The following OR5K1 variants were observed in gnomAD, a reference collection of about 807,000 sequenced individuals.
OR5K1 encodes the protein olfactory receptor family 5 subfamily K member 1.
OR5K1 carries 7 observed loss-of-function variants against 10.4 expected under a neutral mutation model. The observed-to-expected ratio is 0.67, with a 90% CI of 0.38 to 1.26. The LOEUF (loss-of-function observed/expected upper bound fraction) is 1.26. Among genes scored for constraint, OR5K1 ranks in the 50% most tolerant of loss-of-function variants. The pLI, the probability that OR5K1 is intolerant of heterozygous loss-of-function variation, is 0.02. For missense variants in OR5K1, 435 were observed against 366.2 expected (o/e 1.19, Z -1.53); for synonymous variants, 135 against 128.5 (o/e 1.05, Z -0.34).
At chr3:98,464,881 G>A (rs1705352637) in intron 1 of OR5K1, among the ~76,000 whole-genome samples, 1 of 152,076 alleles carries the variant, frequency 6.6e-6, no homozygotes, top group African/African-American at 2.4e-5. Context: ...AGTGGAGTAG[G>A]CATTTGCTCA....
At chr3:98,465,889 C>CTT (rs57195352) in intron 1 of OR5K1, among the ~76,000 whole-genome samples, 17 of 150,028 alleles carry the variant, frequency 1.1e-4, no homozygotes, top group African/African-American at 2.2e-4. Context: ...ATAAATTTGT[C>CTT]TTTTTTTTTT....
intron 1 of OR5K1, among the ~76,000 whole-genome samples, chr3:98,465,599 C>A (rs1705361909): frequency 6.6e-6 from 1 of 152,018 alleles, no homozygotes; most frequent in Admixed American, 6.6e-5. Flanking sequence ...ATTATCATTT[C>A]TTTTTAAAAA....
At position 98,470,133 on chromosome 3, in the gene OR5K1, G is replaced by A. The variant is rs747663094; in HGVS notation, c.557G>A (p.Arg186Lys). 2.1e-5 allele frequency: 34 copies of A among 1,613,546 alleles called. No homozygotes were observed. The highest frequency in any genetic ancestry group is 2.8e-5 in the Non-Finnish European group (33 of 1,179,684). Residue 186 changes from arginine to lysine, a missense_variant, in exon 2 of 2, where the codon AGA (arginine) becomes AAA (lysine). Transcript: ENST00000642057. Reference sequence around the variant, plus strand: ...TACTGTGATATTCTTCCCTTGTATAGACTCTCTTGTGTTGATCCTTATATC... The same window carrying A: ...TACTGTGATATTCTTCCCTTGTATAAACTCTCTTGTGTTGATCCTTATATC... ...HFYCDILPLY[R>K]LSCVDPYINE...
chr3:98,467,732 A>AT (rs1705389786), intron 1 of OR5K1, among the ~76,000 whole-genome samples: 1 of 132,948 alleles, frequency 7.5e-6, no homozygotes, highest in South Asian at 2.7e-4. Flanking sequence ...AATGCTTGTG[A>AT]TTTTTTTACA....
intron 1 of OR5K1, among the ~76,000 whole-genome samples, chr3:98,468,737 C>T (rs1705403649): frequency 6.6e-6 from 1 of 152,182 alleles, no homozygotes; most frequent in East Asian, 1.9e-4. Context: ...ATTTGGTTTG[C>T]TTCCACCTTT....
intron 1 of OR5K1, among the ~76,000 whole-genome samples, chr3:98,464,925 TG>T (rs1705353340): frequency 6.6e-6 from 1 of 152,148 alleles, no homozygotes; most frequent in Non-Finnish European, 1.5e-5. Context: ...ACAGTAGAAT[TG>T]TGAAGTGCAG....
intron 1 of OR5K1, 24 bp from the exon 2 acceptor site, chr3:98,469,542 T>C: frequency 1.3e-6 from 2 of 1,585,850 alleles, no homozygotes; most frequent in East Asian, 2.2e-5. Context: ...ATTAGTGCCT[T>C]CTTTCTCCAC....
In OR5K1 at chr3:98,468,915, T is replaced by C. The variant is rs925736215; in HGVS notation, c.-11-651T>C. On this transcript the variant is annotated intron_variant, in intron 1 of 1. Coordinates refer to ENST00000642057, the MANE Select transcript of OR5K1 (RefSeq NM_001004736.4). ...TTACTTAACCCATATAGAGAAGTGT[T>C]GTTCTCTGGATCTTTCTGTCAAGAC... Among the ~76,000 whole-genome samples the C allele has an allele frequency of 7.2e-5, 11 of 152,258 alleles. No individual in the cohort carries two copies. The South Asian group carries it at 1.0e-3, about 14-fold the overall frequency.
At chr3:98,468,187 C>G (rs1032351134) in intron 1 of OR5K1, among the ~76,000 whole-genome samples, 1 of 152,034 alleles carries the variant, frequency 6.6e-6, no homozygotes, top group Non-Finnish European at 1.5e-5. Flanking sequence ...TTCCTCCCCA[C>G]CCCAGAGGGG....
At position 98,469,666 on chromosome 3, in the gene OR5K1, G is replaced by A. The variant is rs200445655; in HGVS notation, c.90G>A (p.Val30=). Residue 30 remains valine, a synonymous_variant, in exon 2 of 2, where the codon GTG becomes GTA. Coordinates refer to ENST00000642057, the MANE Select transcript of OR5K1 (RefSeq NM_001004736.4). ...HPELKTLLFV[V]FFAIYLITVV... ...AGCTGAAGACTCTGCTGTTTGTGGTGTTCTTTGCCATCTATCTGATCACCG... is the reference window on the plus strand; with the variant it reads ...AGCTGAAGACTCTGCTGTTTGTGGTATTCTTTGCCATCTATCTGATCACCG... 536 of 1,613,674 alleles carry A rather than the reference G, an allele frequency of 3.3e-4. No homozygotes were observed. In the African/African-American group the frequency reaches 5.9e-3, roughly 18 times the overall value.
At position 98,470,052 on chromosome 3, in the gene OR5K1, A is replaced by G. The variant is rs1360148210; in HGVS notation, c.476A>G (p.His159Arg). 6.2e-7 allele frequency: 1 copy of G among 1,613,508 alleles called. No homozygotes were observed. The highest frequency in any genetic ancestry group is 8.5e-7 in the Non-Finnish European group (1 of 1,179,736). The change falls in exon 2 of 2, where the codon CAT becomes CGT. Residue 159 changes from histidine (H) to arginine (R), a missense_variant. Transcript: ENST00000642057. ...FIAGNLHSMI[H>R]VGLVFRLVFC... The stretch of plus-strand genomic sequence containing the variant: ...GCTGGAAACCTGCATTCCATGATTC[A>G]TGTAGGGCTTGTATTTAGGTTAGTT...
At position 98,471,542 on chromosome 3, in the gene OR5K1, G is replaced by T. The variant is rs974475540; in HGVS notation, c.*1039G>T. 1 of 151,814 alleles carries T rather than the reference G, an allele frequency of 6.6e-6. No individual in the cohort carries two copies. Among genetic ancestry groups the T allele is most frequent in the Non-Finnish European group, 1.5e-5 (1 of 67,916 alleles). 9.4% of individuals were successfully genotyped at this position (151,814 alleles called of 1,614,324 possible). On this transcript the variant is annotated 3_prime_UTR_variant, in exon 2 of 2. Coordinates refer to ENST00000642057, the MANE Select transcript of OR5K1 (RefSeq NM_001004736.4). ...TTTATTGAAATCCTGCTATAGGTAG[G>T]CATTGTTCTGGGTGTTGGGCCATAT...
intron 1 of OR5K1, among the ~76,000 whole-genome samples, chr3:98,463,871 T>A (rs1325338891): frequency 6.6e-6 from 1 of 152,194 alleles, no homozygotes; most frequent in African/African-American, 2.4e-5. Context: ...TTTTATATTA[T>A]ATAACTTCAA....
At position 98,470,489 on chromosome 3, in the gene OR5K1, C is replaced by A. The variant is rs369114053; in HGVS notation, c.913C>A (p.Leu305Met). The A allele has an allele frequency of 1.3e-6, 2 of 1,543,888 alleles. No homozygotes were observed. The highest frequency in any genetic ancestry group is 3.5e-5 in the Admixed American group (2 of 56,378). ...REVISVLRKI[L>M]MKK ...AGTAATAAGTGTCTTAAGAAAAATT[C>A]TGATGAAGAAATAATCTCAAGAAAG... The change falls in exon 2 of 2, where the codon CTG (leucine) becomes ATG (methionine). Residue 305 changes from leucine (L) to methionine (M), a missense_variant. Coordinates refer to ENST00000642057, the MANE Select transcript of OR5K1 (RefSeq NM_001004736.4).
intron 1 of OR5K1, among the ~76,000 whole-genome samples, chr3:98,469,082 G>A (rs1576237949): frequency 6.6e-6 from 1 of 152,002 alleles, no homozygotes; most frequent in South Asian, 2.1e-4. Flanking sequence ...TACATACACA[G>A]CATGGAATAC....
chr3:98,469,393 A>AGT, intron 1 of OR5K1, 173 bp from the exon 2 acceptor site: 1 of 610,514 alleles, frequency 1.6e-6, no homozygotes, highest in South Asian at 2.3e-5. Flanking sequence ...CACTAGCCAA[A>AGT]GAGGTAATTC....
chr3:98,469,723 A>G lies in OR5K1; in HGVS notation c.147A>G (p.Ile49Met). ...GGAATATTAGTTTGGTGGCACTGAT[A>G]TTTACACACCGTCGGCTTCACACAC... ...VVGNISLVAL[I>M]FTHRRLHTPM... The change falls in exon 2 of 2, where the codon ATA (isoleucine) becomes ATG (methionine). Residue 49 changes from isoleucine to methionine, a missense_variant. Transcript: ENST00000642057. The G allele has an allele frequency of 1.2e-6, 2 of 1,613,770 alleles. No homozygotes were observed. The highest frequency in any genetic ancestry group is 1.3e-5 in the African/African-American group (1 of 74,996).
Position 98,472,137 on chromosome 3 carries a change from C to T in OR5K1, c.*1634C>T, listed in dbSNP as rs1470939170. On this transcript the variant is annotated 3_prime_UTR_variant, in exon 2 of 2. Coordinates refer to ENST00000642057, the MANE Select transcript of OR5K1 (RefSeq NM_001004736.4). Reference sequence around the variant, plus strand: ...ACCCGTTGGTTATTTCTTCATGCCACCATCACTTCAGGTATCTACGTCCAT... The same window carrying T: ...ACCCGTTGGTTATTTCTTCATGCCATCATCACTTCAGGTATCTACGTCCAT... 1 of 151,976 alleles carries T rather than the reference C, an allele frequency of 6.6e-6. No homozygotes were observed. Among genetic ancestry groups the T allele is most frequent in the African/African-American group, 2.4e-5 (1 of 41,372 alleles). The allele number at this position is 151,976 out of a possible 1,614,324, so 9.4% of individuals were successfully genotyped here.
At chr3:98,469,163 T>C in intron 1 of OR5K1, among the ~76,000 whole-genome samples, 1 of 152,046 alleles carries the variant, frequency 6.6e-6, no homozygotes, top group East Asian at 1.9e-4. Flanking sequence ...GCCATTATCC[T>C]AAGCAAACTA....
Sources: allele counts gnomAD v4.1 joint callset (sites outside exome capture counted in the v4.1 genomes callset), GRCh38; gene constraint gnomAD v4.1.1; transcripts MANE v1.5; gene names NCBI Gene and HGNC (gene_info 2026-07-23, HGNC 2026-07-21).